MTERF4: variants seen among roughly 807,000 people sequenced by gnomAD.
MTERF4 encodes mitochondrial transcription termination factor 4.
A neutral mutation model predicts 22.5 loss-of-function variants in MTERF4; 17 were observed. That is an observed-to-expected ratio of 0.75 (90% CI 0.52 to 1.13). The LOEUF (loss-of-function observed/expected upper bound fraction) is 1.13. Ranked by LOEUF, MTERF4 falls within the 50% of genes most tolerant of loss-of-function variation. MTERF4 has a pLI of 0.00. For missense variants in MTERF4, 420 were observed against 466.8 expected (o/e 0.90, Z 0.92); for synonymous variants, 165 against 175.3 (o/e 0.94, Z 0.47).
At chr2:241,053,370 C>T in the MTERF4 span, 64 of 1,510,426 alleles carry the variant, frequency 4.2e-5, no homozygotes, top group East Asian at 1.8e-4. Context: ...GGGCCCACAC[C>T]CTCCTCATCC....
chr2:241,046,426 A>G, the MTERF4 span, among the ~76,000 whole-genome samples: 1 of 152,234 alleles, frequency 6.6e-6, no homozygotes, highest in Admixed American at 6.5e-5. Context: ...GTGAATGGAT[A>G]GACAAATTGT....
At chr2:241,051,369 G>A in the MTERF4 span, 493 of 201,964 alleles carry the variant, frequency 2.4e-3, 3 homozygotes, top group African/African-American at 0.01. This position sits in a 1 kb window ranked among gnomAD's most constrained non-coding sequence, Gnocchi z 4.7. Flanking sequence ...CTGATGTCAC[G>A]GCAGATGAGA....
the MTERF4 span, chr2:241,053,091 G>C: frequency 6.6e-7 from 1 of 1,512,182 alleles, no homozygotes; most frequent in Non-Finnish European, 9.0e-7. Context: ...GGCAGAGGCA[G>C]GGCGGTGGGG....
chr2:241,084,502 C>T (rs558829983), downstream of MTERF4, among the ~76,000 whole-genome samples: 43 of 152,274 alleles, frequency 2.8e-4, no homozygotes, highest in African/African-American at 9.6e-4. Flanking sequence ...ACGCCGCATA[C>T]CTTTAATCAC....
chr2:241,072,951 T>C, exon 5 of MTERF4: 1 of 405,292 alleles, frequency 2.5e-6, no homozygotes, highest in Non-Finnish European at 4.4e-6. Flanking sequence ...AATTTGACCC[T>C]AAGAAGAAAG....
chr2:241,053,446 G>T, the MTERF4 span: 3 of 994,132 alleles, frequency 3.0e-6, no homozygotes, highest in Admixed American at 5.3e-5. Context: ...ACCTGGTCCT[G>T]CCCCTGCTCC....
the MTERF4 span, among the ~76,000 whole-genome samples, chr2:241,065,136 G>A: frequency 1.3e-5 from 2 of 152,104 alleles, no homozygotes; most frequent in Non-Finnish European, 2.9e-5. Flanking sequence ...ATTCAAAAGT[G>A]TGACCCTCCT....
downstream of MTERF4, chr2:241,088,018 C>A (rs1007203893): frequency 2.5e-6 from 1 of 397,590 alleles, no homozygotes; most frequent in Non-Finnish European, 4.5e-6. Flanking sequence ...CCGGGCAAGG[C>A]CGCAGCCTGC....
rs561419446 is a variant in MTERF4, at chr2:241,079,285, G to A, written n.480-3603C>T. 6.6e-5 allele frequency among the ~76,000 whole-genome samples: 10 copies of A among 150,962 alleles called. No homozygotes were observed. In the South Asian group the frequency reaches 1.9e-3, roughly 28 times the overall value. On this transcript the variant is annotated intron_variant and non_coding_transcript_variant, in intron 4 of 4. Transcript: ENST00000464344. ...AAATTAGCCGGGCGCAGTGGCAGGC[G>A]CCTGTAGTCCCAGCTACTCAGGAGG...
At chr2:241,061,806 T>C in the MTERF4 span, among the ~76,000 whole-genome samples, 3 of 147,072 alleles carry the variant, frequency 2.0e-5, no homozygotes, top group Admixed American at 6.9e-5. Context: ...TGAGCCAAGA[T>C]CATGCCACTG....
the MTERF4 span, among the ~76,000 whole-genome samples, chr2:241,047,321 A>G: frequency 6.6e-6 from 1 of 152,222 alleles, no homozygotes; most frequent in Non-Finnish European, 1.5e-5. Flanking sequence ...AACTCTAGAT[A>G]TACTTGTACC....
chr2:241,067,890 A>G (rs1365386524), downstream of MTERF4: 4 of 1,613,336 alleles, frequency 2.5e-6, no homozygotes, highest in Non-Finnish European at 2.5e-6. Flanking sequence ...CGCCACCCTG[A>G]GGCCCTCAGG....
chr2:241,099,449 A>T lies in MTERF4; in HGVS notation c.467T>A (p.Ile156Asn). 2 of 1,614,182 alleles carry T rather than the reference A, an allele frequency of 1.2e-6. No homozygotes were observed. The highest frequency in any genetic ancestry group is 1.7e-6 in the Non-Finnish European group (2 of 1,180,028). The change falls in exon 2 of 4, where the codon ATT (isoleucine) becomes AAT (asparagine). Residue 156 changes from isoleucine to asparagine, a missense_variant. Coordinates refer to ENST00000391980, the MANE Select transcript of MTERF4 (RefSeq NM_182501.4). ...ACTGGAGCGCTTCCTCATTTGCATA[A>T]TAGGCAGTTTCAATAACTGGGGACT... ...KKSPQLLKLP[I>N]MQMRKRSSYL... is the part of the protein sequence containing the mutation.
chr2:241,077,530 C>G (rs563995139), intron 4 of MTERF4, among the ~76,000 whole-genome samples: 4 of 152,038 alleles, frequency 2.6e-5, no homozygotes, highest in Admixed American at 2.0e-4. Flanking sequence ...ATCAGAGACC[C>G]GCGTCTAAAA....
chr2:241,085,906 G>GC (rs2063552254), downstream of MTERF4, among the ~76,000 whole-genome samples: 1 of 125,078 alleles, frequency 8.0e-6, no homozygotes, highest in East Asian at 2.6e-4. Flanking sequence ...TTGCTCTGTC[G>GC]CCCAGGCTGG....
At chr2:241,084,098 C>A (rs1319874817), downstream of MTERF4, among the ~76,000 whole-genome samples, 2 of 149,346 alleles carry the variant, frequency 1.3e-5, no homozygotes, top group Non-Finnish European at 3.0e-5. Context: ...CCCTTAATTA[C>A]TATTGTACGA....
chr2:241,096,097 C>G lies in MTERF4; in HGVS notation c.1047G>C (p.Glu349Asp), dbSNP rs1559336657. 1 of 1,611,588 alleles carries G rather than the reference C, an allele frequency of 6.2e-7. No individual in the cohort carries two copies. The highest frequency in any genetic ancestry group is 1.3e-5 in the African/African-American group (1 of 74,228). Residue 349 changes from glutamate (E) to aspartate (D), a missense_variant, in exon 4 of 4, where the codon GAG (glutamate) becomes GAC (aspartate). Physicochemically the swap from Glu to Asp is conservative, Grantham distance 45. Transcript: ENST00000391980. The surrounding 1 kb of genome is among the most constrained non-coding windows in gnomAD (Gnocchi z 5.1). ...LDEDEDDDDE[E>D]DNDEDDNDED... is the part of the protein sequence containing the mutation. ...CATCATTGTCATCCTCATCATTGTC[C>G]TCCTCATCATCGTCATCCTCATCCT...
At chr2:241,067,748 A>C (rs1260152976), downstream of MTERF4, 8 of 1,588,786 alleles carry the variant, frequency 5.0e-6, no homozygotes, top group Non-Finnish European at 6.0e-6. Context: ...CCTGCTGAAC[A>C]GTCCATTCCC....
chr2:241,053,473 G>A, the MTERF4 span: 120 of 810,328 alleles, frequency 1.5e-4, no homozygotes, highest in Admixed American at 5.4e-4. Context: ...TCTCCTGTCT[G>A]TGAATGTGGA....
Sources: allele counts gnomAD v4.1 joint callset (sites outside exome capture counted in the v4.1 genomes callset), GRCh38; gene constraint gnomAD v4.1.1; non-coding constraint Gnocchi (gnomAD v3.1); transcripts MANE v1.5; gene names NCBI Gene and HGNC (gene_info 2026-07-23, HGNC 2026-07-21).